The following PDIA4 variants were observed in gnomAD, a reference collection of about 807,000 sequenced individuals.
PDIA4 encodes protein disulfide-isomerase A4.
Under a neutral mutation model 62.1 loss-of-function variants are expected in PDIA4, and 33 were observed. The ratio of observed to expected loss-of-function variants is 0.53; its 90% CI spans 0.40 to 0.71. PDIA4 has a LOEUF of 0.71. Ranked by LOEUF, PDIA4 falls within the 30% of genes least tolerant of loss-of-function variation. The pLI, the probability that PDIA4 is intolerant of heterozygous loss-of-function variation, is 0.00. For missense variants in PDIA4, 804 were observed against 813.6 expected, an observed-to-expected ratio of 0.99 and a Z score of 0.14; for synonymous variants, 341 against 324.1, an observed-to-expected ratio of 1.05 and a Z score of -0.56.
intron 3 of PDIA4, among the ~76,000 whole-genome samples, chr7:149,016,410 A>T (rs1015467028): frequency 1.3e-5 from 2 of 152,242 alleles, no homozygotes; most frequent in Non-Finnish European, 2.9e-5. Context: ...ATAGTATTTG[A>T]CATATACTAA....
chr7:149,020,155 T>C (rs892714692), intron 2 of PDIA4, among the ~76,000 whole-genome samples: 1 of 152,066 alleles, frequency 6.6e-6, no homozygotes, highest in Non-Finnish European at 1.5e-5. Context: ...GAGATGGGGG[T>C]TCACCATGTT....
At chr7:149,019,585 C>A (rs983399194) in intron 2 of PDIA4, among the ~76,000 whole-genome samples, 1 of 151,922 alleles carries the variant, frequency 6.6e-6, no homozygotes. Context: ...CCAAGGTGGG[C>A]GGATCACTTG....
chr7:149,028,103 C>T, intron 1 of PDIA4: 1 of 598,910 alleles, frequency 1.7e-6, no homozygotes, highest in East Asian at 2.9e-5. Context: ...ACCCCGGCCA[C>T]CTTCCTCTCC....
In PDIA4 at chr7:149,025,594, CT is replaced by C. The variant is rs1824521979; in HGVS notation, c.88+2726del. On this transcript the variant is annotated intron_variant, in intron 1 of 9. Transcript: ENST00000652332. ...ATATTGTATCTTACAGATGAAGAAACTGAGATGCAGGAACTTGAGTCACCTG... is the reference window on the plus strand; with the variant it reads ...ATATTGTATCTTACAGATGAAGAAACGAGATGCAGGAACTTGAGTCACCTG... Among the ~76,000 whole-genome samples, 3 of 152,172 alleles carry C rather than the reference CT, an allele frequency of 2.0e-5. No individual in the cohort carries two copies. The South Asian group carries it at 6.2e-4, about 32-fold the overall frequency.
chr7:149,027,295 G>A (rs575292596), intron 1 of PDIA4, among the ~76,000 whole-genome samples: 1 of 152,162 alleles, frequency 6.6e-6, no homozygotes, highest in Non-Finnish European at 1.5e-5. Flanking sequence ...CCTTTCGGCA[G>A]GTGTTTTTCT....
At chr7:149,023,279 C>T (rs1824419266) in intron 1 of PDIA4, among the ~76,000 whole-genome samples, 1 of 152,160 alleles carries the variant, frequency 6.6e-6, no homozygotes, top group Non-Finnish European at 1.5e-5. Context: ...CTTTTCAGAT[C>T]ATTCTAGACC....
At position 149,011,873 on chromosome 7, in the gene PDIA4, G is replaced by T. The variant is rs567343075; in HGVS notation, c.952C>A (p.Pro318Thr). ...IIGVFKGESDPAYQQYQDAAN... is the reference protein window; with the variant it reads ...IIGVFKGESDTAYQQYQDAAN... ...GCATCCTGGTATTGCTGGTAGGCTG[G>T]GTCACTCTCCCCCTTAAAGACCCCG... The change falls in exon 6 of 10, where the codon CCA becomes ACA. Residue 318 changes from proline (P) to threonine (T), a missense_variant. Pro to Thr is a conservative substitution (Grantham distance 38). Transcript: ENST00000652332. 1.9e-6 allele frequency: 3 copies of T among 1,585,704 alleles called. No individual in the cohort carries two copies. Among genetic ancestry groups the T allele is most frequent in the African/African-American group, 2.7e-5 (2 of 74,192 alleles).
chr7:149,024,669 A>T (rs908597354), intron 1 of PDIA4, among the ~76,000 whole-genome samples: 1 of 151,784 alleles, frequency 6.6e-6, no homozygotes, highest in Non-Finnish European at 1.5e-5. Context: ...GAAAAAAGTT[A>T]GCCAGGCATG....
rs778552379 is a variant in PDIA4, at chr7:149,005,196, C to G, written c.1467G>C (p.Glu489Asp). The change falls in exon 9 of 10, where the codon GAG (glutamate) becomes GAC (aspartate). Residue 489 changes from glutamate (E) to aspartate (D), a missense_variant. By Grantham distance (45) the Glu-to-Asp change is conservative. Transcript: ENST00000652332. ...LDESGKKFAM[E>D]PEEFDSDTLR... ...GGGTGTCAGAGTCAAACTCCTCTGG[C>G]TCCATGGCGAACTTCTTCCCACTCT... is the stretch of plus-strand genomic sequence containing the variant. 6.2e-7 allele frequency: 1 copy of G among 1,614,174 alleles called. No homozygotes were observed. The highest frequency in any genetic ancestry group is 1.1e-5 in the South Asian group (1 of 91,086).
At chr7:149,009,425 T>C (rs1293608729) in intron 6 of PDIA4, among the ~76,000 whole-genome samples, 1 of 152,214 alleles carries the variant, frequency 6.6e-6, no homozygotes, top group Non-Finnish European at 1.5e-5. Flanking sequence ...GGAGCCCACA[T>C]GAGCAGCACA....
chr7:149,027,905 C>T (rs1245078218), intron 1 of PDIA4: 1 of 484,784 alleles, frequency 2.1e-6, no homozygotes, highest in African/African-American at 2.0e-5. Flanking sequence ...TTTCTTCACG[C>T]CCTCGCCCCT....
At position 149,019,158 on chromosome 7, in the gene PDIA4, T is replaced by G; in HGVS notation, c.309A>C (p.Lys103Asn). 6.2e-7 allele frequency: 1 copy of G among 1,613,978 alleles called. No individual in the cohort carries two copies. The highest frequency in any genetic ancestry group is 1.3e-5 in the African/African-American group (1 of 74,982). ...CTTTATCCTTTAATATGTTGGCAAT[T>G]TTTTCATATTCCGGAGCAAACTGCT... Reference protein sequence around the residue: ...HCKQFAPEYEKIANILKDKDP... With the variant: ...HCKQFAPEYENIANILKDKDP... The change falls in exon 3 of 10, where the codon AAA (lysine) becomes AAC (asparagine). Residue 103 changes from lysine to asparagine, a missense_variant. Coordinates refer to ENST00000652332, the MANE Select transcript of PDIA4 (RefSeq NM_004911.5).
Position 149,024,814 on chromosome 7 carries a change from TAAA to T in PDIA4, c.88+3504_88+3506del, listed in dbSNP as rs539798193. 1.2e-3 allele frequency among the ~76,000 whole-genome samples: 105 copies of T among 89,368 alleles called. 1 individual carries two copies. Among genetic ancestry groups the T allele is most frequent in the African/African-American group, 5.3e-3 (101 of 19,072 alleles). The allele number at this position is 89,368 out of a possible 152,430, so 58.6% of individuals were successfully genotyped here. On this transcript the variant is annotated intron_variant, in intron 1 of 9. Coordinates refer to ENST00000652332, the MANE Select transcript of PDIA4 (RefSeq NM_004911.5). ...CTGGCGACCGAGCAAGACTGTCATTTAAAAAAAAAAAAAAAAAAAAAAAAAAAA... is the reference window on the plus strand; with the variant it reads ...CTGGCGACCGAGCAAGACTGTCATTTAAAAAAAAAAAAAAAAAAAAAAAAA...
intron 4 of PDIA4, among the ~76,000 whole-genome samples, 180 bp downstream of exon 4, chr7:149,014,724 C>A (rs1824069522): frequency 6.6e-6 from 1 of 152,204 alleles, no homozygotes. Context: ...TCCACATTCA[C>A]TCCCCCAACA....
chr7:149,014,205 G>A (rs1459048607), intron 4 of PDIA4, among the ~76,000 whole-genome samples: 3 of 152,180 alleles, frequency 2.0e-5, no homozygotes, highest in Non-Finnish European at 2.9e-5. Flanking sequence ...CCACAGTGCA[G>A]AAGGTGCCAC....
At chr7:149,012,447 C>T in intron 4 of PDIA4, 87 bp from the exon 5 acceptor site, 1 of 1,159,280 alleles carries the variant, frequency 8.6e-7, no homozygotes, top group Non-Finnish European at 1.3e-6. Flanking sequence ...CCATCCTGTG[C>T]TCCCTAGTAA....
rs183476903 is a variant in PDIA4 at position 149,012,663 on chromosome 7, C to T, written c.615-303G>A. Among the ~76,000 whole-genome samples the T allele has an allele frequency of 4.6e-5, 7 of 152,272 alleles. No individual in the cohort carries two copies. In the East Asian group the frequency reaches 1.4e-3, roughly 29 times the overall value. On this transcript the variant is annotated intron_variant, in intron 4 of 9. Transcript: ENST00000652332. ...GAAAACATGGAGAGGCCAAGAGAGA[C>T]ACTGTCCTGAGCAAGAGGACTTTCT... is the stretch of plus-strand genomic sequence containing the variant.
chr7:149,024,814 T>TAAAAAAAA lies in PDIA4; in HGVS notation c.88+3499_88+3506dup, dbSNP rs539798193. Among the ~76,000 whole-genome samples, 43 of 89,384 alleles carry TAAAAAAAA rather than the reference T, an allele frequency of 4.8e-4. 1 individual carries two copies. The highest frequency in any genetic ancestry group is 2.1e-3 in the African/African-American group (40 of 19,086). 58.6% of individuals were successfully genotyped at this position (89,384 alleles called of 152,430 possible). A position where few individuals can be genotyped will look rare whatever the true frequency, so the allele number is the denominator to read the frequency against. ...CTGGCGACCGAGCAAGACTGTCATT[T>TAAAAAAAA]AAAAAAAAAAAAAAAAAAAAAAAAA... On this transcript the variant is annotated intron_variant, in intron 1 of 9. Coordinates refer to ENST00000652332, the MANE Select transcript of PDIA4 (RefSeq NM_004911.5).
chr7:149,013,440 G>A (rs1427056858), intron 4 of PDIA4, among the ~76,000 whole-genome samples: 1 of 152,196 alleles, frequency 6.6e-6, no homozygotes, highest in East Asian at 1.9e-4. Context: ...GCTTCCAGAA[G>A]CTGAGGCGGG....
Sources: gnomAD v4.1 joint callset for allele counts (sites outside exome capture counted in the v4.1 genomes callset) on GRCh38, gnomAD v4.1.1 for gene constraint, MANE v1.5 for transcripts, NCBI Gene and HGNC (gene_info 2026-07-23, HGNC 2026-07-21) for gene names.